TCF7L1: variants seen among roughly 807,000 people sequenced by gnomAD.
TCF7L1 encodes transcription factor 7 like 1.
A neutral mutation model predicts 63.7 loss-of-function variants in TCF7L1; 18 were observed. That is an observed-to-expected ratio of 0.28 (90% CI 0.20 to 0.42). TCF7L1 has a LOEUF of 0.42. Among genes scored for constraint, TCF7L1 ranks in the 10% least tolerant of loss-of-function variants. The pLI is 1.00. For synonymous variants in TCF7L1, 355 were observed against 340.9 expected, an observed-to-expected ratio of 1.04 and a Z score of -0.46; for missense variants, 654 against 779.3, an observed-to-expected ratio of 0.84 and a Z score of 1.91.
At chr2:85,147,953 T>C (rs1480194010) in intron 3 of TCF7L1, among the ~76,000 whole-genome samples, 1 of 152,190 alleles carries the variant, frequency 6.6e-6, no homozygotes, top group Non-Finnish European at 1.5e-5. Flanking sequence ...TAGTTTTTAC[T>C]TATTAATTAT....
intron 3 of TCF7L1, among the ~76,000 whole-genome samples, chr2:85,264,974 A>AT (rs1356443405): frequency 4.6e-5 from 7 of 152,174 alleles, no homozygotes; most frequent in Admixed American, 2.0e-4. Context: ...TAGATTCTCC[A>AT]TTTTTACCAG....
intron 4 of TCF7L1, among the ~76,000 whole-genome samples, chr2:85,294,630 G>T (rs1681803517): frequency 6.6e-6 from 1 of 152,162 alleles, no homozygotes; most frequent in South Asian, 2.1e-4. Context: ...GCCAGTGCTG[G>T]ATGCTCTCTG....
At chr2:85,222,913 A>C (rs1007007157) in intron 3 of TCF7L1, among the ~76,000 whole-genome samples, 3 of 152,216 alleles carry the variant, frequency 2.0e-5, no homozygotes, top group Admixed American at 1.3e-4. Context: ...GTGATAGGCT[A>C]TCTGGGCTCT....
intron 3 of TCF7L1, among the ~76,000 whole-genome samples, chr2:85,213,386 C>T (rs1679618494): frequency 6.6e-6 from 1 of 152,148 alleles, no homozygotes; most frequent in South Asian, 2.1e-4. Flanking sequence ...CCAATGACAC[C>T]TCTCTGATTG....
chr2:85,257,606 AG>A (rs1323357043), intron 3 of TCF7L1, among the ~76,000 whole-genome samples: 7 of 152,188 alleles, frequency 4.6e-5, no homozygotes, highest in South Asian at 4.1e-4. Context: ...CAGCTCACAG[AG>A]GGCTGTGGTG....
chr2:85,189,040 T>C (rs1268976197), intron 3 of TCF7L1, among the ~76,000 whole-genome samples: 4 of 152,192 alleles, frequency 2.6e-5, no homozygotes, highest in Non-Finnish European at 5.9e-5. Flanking sequence ...CCTTCCAAAG[T>C]AGCCACCTGA....
At chr2:85,231,527 A>T (rs1192099355) in intron 3 of TCF7L1, among the ~76,000 whole-genome samples, 1 of 152,102 alleles carries the variant, frequency 6.6e-6, no homozygotes, top group East Asian at 1.9e-4. Flanking sequence ...CTCATACAAC[A>T]TCATTTTGAA....
In TCF7L1 at chr2:85,310,183, G is replaced by C. The variant is rs528464210; in HGVS notation, c.*721G>C. On this transcript the variant is annotated 3_prime_UTR_variant, in exon 12 of 12. Transcript: ENST00000282111. The stretch of plus-strand genomic sequence containing the variant: ...CCTTCACAATCCCAGAGTGGCAGGC[G>C]GGACCGGCCCCATGGTCTGGCTCCT... 1.3e-5 allele frequency: 2 copies of C among 152,566 alleles called. No individual in the cohort carries two copies. The highest frequency in any genetic ancestry group is 3.2e-3 in the Middle Eastern group (1 of 316). 9.5% of individuals were successfully genotyped at this position (152,566 alleles called of 1,614,324 possible).
At chr2:85,243,048 A>G (rs1051634405) in intron 3 of TCF7L1, among the ~76,000 whole-genome samples, 2 of 151,966 alleles carry the variant, frequency 1.3e-5, no homozygotes, top group Non-Finnish European at 2.9e-5. Flanking sequence ...TTCTAGTTGA[A>G]CCTCATATGT....
chr2:85,282,551 C>T (rs544457909), intron 3 of TCF7L1, among the ~76,000 whole-genome samples: 3 of 152,296 alleles, frequency 2.0e-5, no homozygotes, highest in South Asian at 4.1e-4. Context: ...GTCCCTAGTC[C>T]GAACAACCTG....
chr2:85,215,917 G>T (rs1325697905), intron 3 of TCF7L1, among the ~76,000 whole-genome samples: 1 of 152,160 alleles, frequency 6.6e-6, no homozygotes, highest in African/African-American at 2.4e-5. Flanking sequence ...AAGTTCAGCC[G>T]AAGGAATCCG....
At chr2:85,166,991 T>C (rs11686370) in intron 3 of TCF7L1, 59,000 of 152,090 alleles carry the variant, frequency 0.39, 11,681 homozygotes, top group Middle Eastern at 0.46. Flanking sequence ...CTCTGCCTCC[T>C]GGGTTCACGC....
intron 3 of TCF7L1, among the ~76,000 whole-genome samples, chr2:85,276,796 G>A (rs1247683221): frequency 6.6e-6 from 1 of 152,170 alleles, no homozygotes; most frequent in Non-Finnish European, 1.5e-5. Context: ...GACCCTTGAG[G>A]AGCTTACCGT....
chr2:85,148,433 G>A lies in TCF7L1; in HGVS notation c.441+13983G>A, dbSNP rs544728118. Among the ~76,000 whole-genome samples the A allele has an allele frequency of 1.6e-4, 24 of 152,302 alleles. No homozygotes were observed. The South Asian group carries it at 5.0e-3, about 32-fold the overall frequency. On this transcript the variant is annotated intron_variant, in intron 3 of 11. Transcript: ENST00000282111. ...TTGGGTTTTGACCAGGGTTTGCAGA[G>A]CACTGAATCCCAGCCGCGTCATGAG...
intron 3 of TCF7L1, among the ~76,000 whole-genome samples, chr2:85,255,754 T>C (rs1428784479): frequency 6.6e-6 from 1 of 152,078 alleles, no homozygotes; most frequent in East Asian, 1.9e-4. Context: ...AGGCCTGCAT[T>C]AGGGGAGTAT....
chr2:85,191,529 G>A (rs1679037365), intron 3 of TCF7L1, among the ~76,000 whole-genome samples: 1 of 152,212 alleles, frequency 6.6e-6, no homozygotes, highest in African/African-American at 2.4e-5. Context: ...TCTGTTTAGT[G>A]CATTTAGAAG....
At chr2:85,158,130 A>T (rs143207373) in intron 3 of TCF7L1, among the ~76,000 whole-genome samples, 31 of 152,300 alleles carry the variant, frequency 2.0e-4, no homozygotes, top group African/African-American at 7.0e-4. Flanking sequence ...CTGAGTGGGC[A>T]GAAGGCGGGG....
intron 3 of TCF7L1, among the ~76,000 whole-genome samples, chr2:85,141,437 C>G (rs549141804): frequency 6.6e-6 from 1 of 152,292 alleles, no homozygotes; most frequent in South Asian, 2.1e-4. Flanking sequence ...CAGTGCCTCC[C>G]CCTCAGCTGG....
intron 3 of TCF7L1, among the ~76,000 whole-genome samples, chr2:85,276,819 CAG>C (rs898511859): frequency 2.5e-4 from 38 of 152,218 alleles, no homozygotes; most frequent in African/African-American, 8.7e-4. Context: ...CAAGGGCAGA[CAG>C]AGTGTGCAAA....
Sources: gnomAD v4.1 joint callset for allele counts (sites outside exome capture counted in the v4.1 genomes callset) on GRCh38, gnomAD v4.1.1 for gene constraint, MANE v1.5 for transcripts, NCBI Gene and HGNC (gene_info 2026-07-23, HGNC 2026-07-21) for gene names.